Variants in SORBS2 observed in about 807,000 individuals in gnomAD.
SORBS2 encodes sorbin and SH3 domain containing 2.
In SORBS2, 46 loss-of-function variants were observed where a neutral mutation model predicts 97.7. The ratio of observed to expected loss-of-function variants is 0.47; its 90% CI spans 0.37 to 0.60. The LOEUF (loss-of-function observed/expected upper bound fraction) is 0.60. SORBS2 is among the 20% of genes least tolerant of loss of function. The pLI is 0.00. For missense variants in SORBS2, 1,316 were observed against 1,282.3 expected, an observed-to-expected ratio of 1.03 and a Z score of -0.40; for synonymous variants, 476 against 473.4, an observed-to-expected ratio of 1.01 and a Z score of -0.07.
chr4:185,644,481 ATG>A (rs1194734512), intron 4 of SORBS2, among the ~76,000 whole-genome samples: 2 of 152,214 alleles, frequency 1.3e-5, no homozygotes, highest in African/African-American at 4.8e-5. Context: ...TGCTACTTCA[ATG>A]TGTTTCCTGC....
chr4:185,663,621 C>A (rs370246366), intron 4 of SORBS2, among the ~76,000 whole-genome samples: 2 of 152,142 alleles, frequency 1.3e-5, no homozygotes, highest in African/African-American at 4.8e-5. Flanking sequence ...GATTTGAGAA[C>A]ACTTTCACCT....
Position 185,716,801 on chromosome 4 carries a change from C to G in SORBS2, c.-197-37979G>C, listed in dbSNP as rs557813556. ...CTGGTCTCACCAGCACACCAGACTG[C>G]GCAGGCGGGTCAGAGGCCCACGGGG... On this transcript the variant is annotated intron_variant, in intron 2 of 20. Coordinates refer to the SORBS2 transcript ENST00000284776. Among the ~76,000 whole-genome samples the G allele has an allele frequency of 2.1e-3, 323 of 152,188 alleles. 1 individual carries two copies. Among genetic ancestry groups the G allele is most frequent in the South Asian group, 3.7e-3 (18 of 4,806 alleles).
At chr4:185,682,858 A>T (rs1005339023) in intron 2 of SORBS2, among the ~76,000 whole-genome samples, 7 of 151,960 alleles carry the variant, frequency 4.6e-5, no homozygotes, top group African/African-American at 1.7e-4. Context: ...TAAAAAAAAT[A>T]CAAAAATTAG....
intron 1 of SORBS2, among the ~76,000 whole-genome samples, chr4:185,876,536 G>T (rs778695335): frequency 1.3e-5 from 2 of 152,172 alleles, no homozygotes; most frequent in Non-Finnish European, 2.9e-5. Flanking sequence ...AGTCCCTGGT[G>T]CACTTTGTTT....
chr4:185,851,663 C>G (rs888752216), intron 1 of SORBS2, among the ~76,000 whole-genome samples: 1 of 151,996 alleles, frequency 6.6e-6, no homozygotes, highest in African/African-American at 2.4e-5. Flanking sequence ...GAAGGCAGAC[C>G]CACCCTTAAT....
intron 1 of SORBS2, among the ~76,000 whole-genome samples, chr4:185,847,153 A>T (rs1425306218): frequency 1.3e-5 from 2 of 152,190 alleles, no homozygotes; most frequent in African/African-American, 2.4e-5. Flanking sequence ...GTGTTGATAG[A>T]GTCTGAGAGT....
At chr4:185,882,855 G>A (rs2099237545) in intron 1 of SORBS2, among the ~76,000 whole-genome samples, 2 of 152,178 alleles carry the variant, frequency 1.3e-5, no homozygotes, top group South Asian at 4.2e-4. Context: ...TGGAGCTTGT[G>A]GTTATCTATA....
chr4:185,644,032 T>C (rs916685390), intron 4 of SORBS2, among the ~76,000 whole-genome samples: 2 of 152,126 alleles, frequency 1.3e-5, no homozygotes, highest in Non-Finnish European at 2.9e-5. Context: ...ATAGAGGCAA[T>C]TGAAACGAAG....
chr4:185,791,739 G>A (rs1228322488), intron 1 of SORBS2, among the ~76,000 whole-genome samples: 1 of 151,594 alleles, frequency 6.6e-6, no homozygotes, highest in Non-Finnish European at 1.5e-5. Flanking sequence ...TCCCCCACAA[G>A]TACATGCCGT....
intron 1 of SORBS2, among the ~76,000 whole-genome samples, chr4:185,836,658 G>A (rs183245322): frequency 6.6e-6 from 1 of 152,262 alleles, no homozygotes; most frequent in East Asian, 1.9e-4. Context: ...AATAGAAAGT[G>A]GCGGGGTCTC....
At chr4:185,820,863 A>G (rs983512818) in intron 1 of SORBS2, among the ~76,000 whole-genome samples, 7 of 152,334 alleles carry the variant, frequency 4.6e-5, no homozygotes, top group African/African-American at 1.4e-4. Flanking sequence ...AGGGCTCAGT[A>G]TCGTACCTGG....
chr4:185,607,224 A>G lies in SORBS2; in HGVS notation c.2796+4556T>C, dbSNP rs1300110186. 5 of 1,187,358 alleles carry G rather than the reference A, an allele frequency of 4.2e-6. No individual in the cohort carries two copies. The Admixed American group carries it at 1.2e-4, about 27-fold the overall frequency. 73.6% of individuals were successfully genotyped at this position (1,187,358 alleles called of 1,614,324 possible). A position where few individuals can be genotyped will look rare whatever the true frequency, so the allele number is the denominator to read the frequency against. On this transcript the variant is annotated intron_variant, in intron 12 of 14. Coordinates refer to ENST00000418609, the Ensembl canonical transcript of SORBS2. The surrounding 1 kb of genome is among the most constrained non-coding windows in gnomAD (Gnocchi z 5.2). ...GGAAACGAGGTGGTGTTGGGGCCAAAGGGTTTGCTGGTAGACATGAGGCTG... is the reference window on the plus strand; with the variant it reads ...GGAAACGAGGTGGTGTTGGGGCCAAGGGGTTTGCTGGTAGACATGAGGCTG...
chr4:185,868,399 A>G (rs959448256), intron 1 of SORBS2, among the ~76,000 whole-genome samples: 6 of 150,932 alleles, frequency 4.0e-5, no homozygotes, highest in East Asian at 1.9e-4. Flanking sequence ...CTCGTGATCC[A>G]CCCACCTCGG....
At chr4:185,938,750 C>T (rs2099270364) in intron 1 of SORBS2, among the ~76,000 whole-genome samples, 1 of 152,040 alleles carries the variant, frequency 6.6e-6, no homozygotes, top group African/African-American at 2.4e-5. Flanking sequence ...TCCCCCCCAG[C>T]AGCCTGGAGG....
chr4:185,677,766 G>A (rs993918120), intron 4 of SORBS2: 2 of 528,056 alleles, frequency 3.8e-6, no homozygotes, highest in Admixed American at 3.4e-5. Flanking sequence ...CACACCTTCT[G>A]ATTATGCTAT....
Position 185,787,209 on chromosome 4 carries a change from C to T in SORBS2, c.-337-11843G>A, listed in dbSNP as rs546640880. On this transcript the variant is annotated intron_variant, in intron 1 of 20. Coordinates refer to the SORBS2 transcript ENST00000284776. ...ACCAGTTCCCAGCACAGTGGCTGGT[C>T]GCTAGAATGTACTGAGTGAATATAC... Among the ~76,000 whole-genome samples the T allele has an allele frequency of 3.3e-5, 5 of 152,108 alleles. No homozygotes were observed. The South Asian group carries it at 6.2e-4, about 19-fold the overall frequency.
At chr4:185,805,936 T>C (rs1329703897) in intron 1 of SORBS2, among the ~76,000 whole-genome samples, 1 of 152,180 alleles carries the variant, frequency 6.6e-6, no homozygotes, top group Non-Finnish European at 1.5e-5. Context: ...CTGAAATAAT[T>C]GGGTGTGAAG....
intron 2 of SORBS2, among the ~76,000 whole-genome samples, chr4:185,763,492 T>C (rs2098916326): frequency 6.6e-6 from 1 of 152,200 alleles, no homozygotes. Context: ...CTTATATAAG[T>C]GGTCAATACA....
At chr4:185,938,774 G>A (rs1451439307) in intron 1 of SORBS2, among the ~76,000 whole-genome samples, 1 of 151,774 alleles carries the variant, frequency 6.6e-6, no homozygotes, top group African/African-American at 2.4e-5. Context: ...GAACCCACCA[G>A]TGCAAATGTC....
Sources: allele counts gnomAD v4.1 joint callset (sites outside exome capture counted in the v4.1 genomes callset), GRCh38; gene constraint gnomAD v4.1.1; non-coding constraint Gnocchi (gnomAD v3.1); transcripts MANE v1.5; gene names NCBI Gene and HGNC (gene_info 2026-07-23, HGNC 2026-07-21).